ZFHX3: variants seen among roughly 807,000 people sequenced by gnomAD.
ZFHX3 encodes zinc finger homeobox 3.
A neutral mutation model predicts 279.1 loss-of-function variants in ZFHX3; 42 were observed. The observed-to-expected ratio is 0.15, with a 90% CI of 0.12 to 0.19. The LOEUF is 0.19. Among genes scored for constraint, ZFHX3 ranks in the 10% least tolerant of loss-of-function variants. The probability of loss-of-function intolerance (pLI) is 1.00; values close to 1 mark genes in which losing one functional copy is unlikely to be tolerated. For missense variants in ZFHX3, 4,981 were observed against 4,754.0 expected (o/e 1.05, Z -1.40); for synonymous variants, 2,293 against 1,957.8 (o/e 1.17, Z -4.52).
intron 2 of ZFHX3, among the ~76,000 whole-genome samples, chr16:73,675,350 G>GA (rs2052944024): frequency 2.6e-5 from 4 of 151,572 alleles, no homozygotes; most frequent in South Asian, 2.1e-4. Flanking sequence ...CTAAATAGAA[G>GA]AAAAAAATGT....
At chr16:73,601,093 T>A (rs74782175) in intron 2 of ZFHX3, among the ~76,000 whole-genome samples, 1 of 151,718 alleles carries the variant, frequency 6.6e-6, no homozygotes, top group African/African-American at 2.4e-5. Context: ...ACCCAATTCA[T>A]CTCCTGATAA....
intron 2 of ZFHX3, among the ~76,000 whole-genome samples, chr16:73,509,303 C>T (rs188682294): frequency 6.6e-5 from 10 of 152,242 alleles, no homozygotes; most frequent in Non-Finnish European, 1.0e-4. Flanking sequence ...ACCATGTACC[C>T]GGTTCTCATC....
At chr16:73,870,448 C>T (rs979797987) in intron 1 of ZFHX3, among the ~76,000 whole-genome samples, 1 of 152,104 alleles carries the variant, frequency 6.6e-6, no homozygotes, top group South Asian at 2.1e-4. Flanking sequence ...AAAACGAGGG[C>T]GGAAGGAGGA....
intron 8 of ZFHX3, among the ~76,000 whole-genome samples, chr16:73,089,143 G>T (rs959844350): frequency 6.6e-6 from 1 of 151,424 alleles, no homozygotes; most frequent in Non-Finnish European, 1.5e-5. Context: ...TTGCTCTGTC[G>T]CCCAGGCTGG....
chr16:73,084,541 G>C (rs1417281295), intron 8 of ZFHX3, among the ~76,000 whole-genome samples: 6 of 105,034 alleles, frequency 5.7e-5, no homozygotes, highest in Non-Finnish European at 8.8e-5. Context: ...TTTTTTTTGA[G>C]ATGGAGTCTT....
Position 72,798,248 on chromosome 16 carries a change from G to T in ZFHX3, c.4434C>A (p.Asp1478Glu). Residue 1478 changes from aspartate to glutamate, a missense_variant, in exon 9 of 10, where the codon GAC becomes GAA. Coordinates refer to ENST00000268489, the MANE Select transcript of ZFHX3 (RefSeq NM_006885.4). ...LANGDLLAMGDPTLAEDHTII... is the reference protein window; with the variant it reads ...LANGDLLAMGEPTLAEDHTII... ...TGGTATGGTCCTCTGCCAGAGTGGGGTCTCCCATTGCCAGGAGGTCCCCAT... is the reference window on the plus strand; with the variant it reads ...TGGTATGGTCCTCTGCCAGAGTGGGTTCTCCCATTGCCAGGAGGTCCCCAT... 2 of 1,614,164 alleles carry T rather than the reference G, an allele frequency of 1.2e-6. No homozygotes were observed. Among genetic ancestry groups the T allele is most frequent in the Non-Finnish European group, 1.7e-6 (2 of 1,180,042 alleles).
chr16:73,318,875 C>G (rs2015512072), intron 3 of ZFHX3, among the ~76,000 whole-genome samples: 1 of 152,184 alleles, frequency 6.6e-6, no homozygotes, highest in South Asian at 2.1e-4. Flanking sequence ...CTGCATAAAT[C>G]AATTATGAAA....
chr16:73,101,564 A>AAT (rs1966231148), intron 7 of ZFHX3, among the ~76,000 whole-genome samples: 4 of 149,218 alleles, frequency 2.7e-5, no homozygotes, highest in African/African-American at 9.8e-5. Context: ...ATTTTTTTAA[A>AAT]TTTTTTTTTT....
At chr16:73,576,520 A>C (rs1209090781) in intron 2 of ZFHX3, among the ~76,000 whole-genome samples, 2 of 152,194 alleles carry the variant, frequency 1.3e-5, no homozygotes, top group African/African-American at 4.8e-5. Flanking sequence ...AAAGGGAGGA[A>C]AAACGAGAAA....
intron 2 of ZFHX3, among the ~76,000 whole-genome samples, chr16:73,485,070 G>C (rs1307263991): frequency 6.6e-6 from 1 of 152,142 alleles, no homozygotes. Context: ...AAAGAAAGAA[G>C]TAATGGCTAG....
intron 4 of ZFHX3, among the ~76,000 whole-genome samples, chr16:72,879,432 T>C (rs1166024039): frequency 2.0e-5 from 3 of 152,188 alleles, no homozygotes; most frequent in Non-Finnish European, 4.4e-5. Context: ...TTCTATTTCT[T>C]TTTTTTCTTT....
intron 1 of ZFHX3, among the ~76,000 whole-genome samples, chr16:73,774,323 G>T (rs529073840): frequency 6.6e-6 from 1 of 152,272 alleles, no homozygotes; most frequent in East Asian, 1.9e-4. Flanking sequence ...GGTAGTTGGT[G>T]AATGAATGAA....
chr16:73,300,936 G>T (rs2015041982), intron 4 of ZFHX3, among the ~76,000 whole-genome samples: 1 of 152,246 alleles, frequency 6.6e-6, no homozygotes, highest in African/African-American at 2.4e-5. Flanking sequence ...TGATGTTGGA[G>T]AGCTGATAAG....
At chr16:72,879,769 C>T (rs1474480067) in intron 4 of ZFHX3, among the ~76,000 whole-genome samples, 27 of 152,232 alleles carry the variant, frequency 1.8e-4, no homozygotes, top group Admixed American at 1.8e-3. Flanking sequence ...GAGCCTAACA[C>T]AGGCCAGCCT....
chr16:73,679,604 T>C (rs1262034082), intron 2 of ZFHX3: 4 of 152,204 alleles, frequency 2.6e-5, no homozygotes, highest in Non-Finnish European at 4.4e-5. Flanking sequence ...TATCGTCTTC[T>C]ACCTACAGCC....
At position 73,881,485 on chromosome 16, in the gene ZFHX3, C is replaced by CG. The variant is rs986538236; in HGVS notation, c.-1608+10165_-1608+10166insC. Among the ~76,000 whole-genome samples, 74 of 78,500 alleles carry CG rather than the reference C, an allele frequency of 9.4e-4. 8 individuals carry two copies. The South Asian group carries it at 0.013, about 14-fold the overall frequency. The allele number at this position is 78,500 out of a possible 152,430, so 51.5% of individuals were successfully genotyped here. ...CTCTCTCTCTCTCTCTCTCTGCCCCCCCCCCCCACTCTGCCCATGGTTACT... is the reference window on the plus strand; with the variant it reads ...CTCTCTCTCTCTCTCTCTCTGCCCCCGCCCCCCCACTCTGCCCATGGTTACT... On this transcript the variant is annotated intron_variant, in intron 1 of 17. Transcript: ENST00000641206.
chr16:73,752,023 A>G (rs2053766597), intron 1 of ZFHX3, among the ~76,000 whole-genome samples: 1 of 152,208 alleles, frequency 6.6e-6, no homozygotes. Flanking sequence ...AACAATGTTA[A>G]AACTCCAGGG....
chr16:73,278,338 T>C (rs1430144550), intron 4 of ZFHX3, among the ~76,000 whole-genome samples: 3 of 152,218 alleles, frequency 2.0e-5, no homozygotes, highest in Non-Finnish European at 4.4e-5. Flanking sequence ...GTGCATGTTT[T>C]TGGTAAAGTG....
intron 1 of ZFHX3, among the ~76,000 whole-genome samples, chr16:73,685,220 G>A (rs1023257411): frequency 6.6e-6 from 1 of 151,110 alleles, no homozygotes; most frequent in African/African-American, 2.4e-5. Context: ...GTTTCACCGT[G>A]TTGGCCCAGA....
Sources: gnomAD v4.1 joint callset for allele counts (sites outside exome capture counted in the v4.1 genomes callset) on GRCh38, gnomAD v4.1.1 for gene constraint, MANE v1.5 for transcripts, NCBI Gene and HGNC (gene_info 2026-07-23, HGNC 2026-07-21) for gene names.